Variants in PDS5B observed in about 807,000 individuals in gnomAD.
PDS5B encodes PDS5 cohesin associated factor B.
In PDS5B, 51 loss-of-function variants were observed where a neutral mutation model predicts 184.1. The ratio of observed to expected loss-of-function variants is 0.28; its 90% confidence interval spans 0.22 to 0.35. The LOEUF is 0.35. Among genes scored for constraint, PDS5B ranks in the 10% least tolerant of loss-of-function variants. PDS5B has a pLI of 1.00. For synonymous variants in PDS5B, 566 were observed against 569.2 expected (o/e 0.99, Z 0.08); for missense variants, 1,180 against 1,723.3 (o/e 0.68, Z 5.58).
chr13:32,607,568 C>T (rs2058078936), intron 1 of PDS5B, among the ~76,000 whole-genome samples: 2 of 152,204 alleles, frequency 1.3e-5, no homozygotes, highest in East Asian at 3.9e-4. Flanking sequence ...GCTGGGAGAA[C>T]CACTACTCTC....
chr13:32,716,705 G>A (rs1387319628), intron 19 of PDS5B, among the ~76,000 whole-genome samples: 1 of 131,560 alleles, frequency 7.6e-6, no homozygotes, highest in Admixed American at 7.1e-5. Flanking sequence ...GCCCCGTTTG[G>A]GAGGTGAGGG....
chr13:32,638,772 T>A (rs1360292175), intron 1 of PDS5B, among the ~76,000 whole-genome samples: 5 of 151,906 alleles, frequency 3.3e-5, no homozygotes, highest in Non-Finnish European at 7.4e-5. Context: ...GGTTAGTGTT[T>A]TGATGTGAGG....
At chr13:32,696,127 C>T (rs952616687) in intron 14 of PDS5B, among the ~76,000 whole-genome samples, 2 of 152,100 alleles carry the variant, frequency 1.3e-5, no homozygotes, top group East Asian at 1.9e-4. Flanking sequence ...TTCCTCTTAG[C>T]AAGCTCATTC....
At chr13:32,709,307 G>A (rs934639779) in intron 18 of PDS5B, among the ~76,000 whole-genome samples, 3 of 151,950 alleles carry the variant, frequency 2.0e-5, no homozygotes, top group African/African-American at 7.2e-5. Context: ...TTGAAAGTGT[G>A]TTGTGGGGGC....
rs546641613 is a variant in PDS5B, at chr13:32,777,351, C to CTTTTTTTTTT, written c.*2305_*2314dup. The CTTTTTTTTTT allele has an allele frequency of 9.3e-5, 12 of 129,560 alleles. No individual in the cohort carries two copies. Among genetic ancestry groups the CTTTTTTTTTT allele is most frequent in the African/African-American group, 1.1e-4 (4 of 35,246 alleles). The allele number at this position is 129,560 out of a possible 1,614,324, so 8.0% of individuals were successfully genotyped here. A position where few individuals can be genotyped will look rare whatever the true frequency, so the allele number is the denominator to read the frequency against. On this transcript the variant is annotated 3_prime_UTR_variant, in exon 35 of 35. Coordinates refer to ENST00000315596, the MANE Select transcript of PDS5B (RefSeq NM_015032.4). ...ATGTAAATTTTTCTTTTCTTTCTTT[C>CTTTTTTTTTT]TTTTTTTTTTTTTTTGTGTAGAAAA...
chr13:32,720,004 G>A (rs1334921243), intron 19 of PDS5B, among the ~76,000 whole-genome samples: 1 of 152,070 alleles, frequency 6.6e-6, no homozygotes, highest in Non-Finnish European at 1.5e-5. Flanking sequence ...TGCCATGTGG[G>A]CGGGGCTGGT....
At chr13:32,738,178 G>C (rs958797490) in intron 21 of PDS5B, among the ~76,000 whole-genome samples, 1 of 152,102 alleles carries the variant, frequency 6.6e-6, no homozygotes, top group Non-Finnish European at 1.5e-5. Context: ...TGCTATGAAT[G>C]TTTCTATTGA....
chr13:32,735,327 T>A lies in PDS5B; in HGVS notation c.2403T>A (p.Asp801Glu). 3 of 1,600,128 alleles carry A rather than the reference T, an allele frequency of 1.9e-6. No individual in the cohort carries two copies. Among genetic ancestry groups the A allele is most frequent in the Non-Finnish European group, 2.6e-6 (3 of 1,172,984 alleles). Residue 801 changes from aspartate (D) to glutamate (E), a missense_variant, in exon 21 of 35, where the codon GAT (aspartate) becomes GAA (glutamate). Transcript: ENST00000315596. Reference protein sequence around the residue: ...TFIVKDLLMNDRLPGKKTTKL... With the variant: ...TFIVKDLLMNERLPGKKTTKL... ...TTGTGAAAGATCTTCTCATGAATGA[T>A]CGGGTAATTTATATTTTTTAGATTC...
intron 33 of PDS5B, among the ~76,000 whole-genome samples, chr13:32,772,011 A>C (rs1954805297): frequency 6.6e-6 from 1 of 151,612 alleles, no homozygotes; most frequent in Non-Finnish European, 1.5e-5. Flanking sequence ...TCTTCCTTTC[A>C]CTGGGAAGCT....
intron 1 of PDS5B, among the ~76,000 whole-genome samples, chr13:32,607,406 G>C (rs533916309): frequency 5.3e-5 from 8 of 152,320 alleles, no homozygotes; most frequent in African/African-American, 1.9e-4. Context: ...GTTGCTGCCT[G>C]ATCCTTCCTC....
intron 31 of PDS5B, among the ~76,000 whole-genome samples, chr13:32,769,656 G>C (rs1417247167): frequency 6.6e-6 from 1 of 152,074 alleles, no homozygotes; most frequent in African/African-American, 2.4e-5. Context: ...ACCTCCATTT[G>C]TAAAATAATA....
chr13:32,709,558 C>G (rs189246288), intron 18 of PDS5B, among the ~76,000 whole-genome samples: 4 of 152,142 alleles, frequency 2.6e-5, no homozygotes, highest in Admixed American at 2.6e-4. Flanking sequence ...TTATTCTCCT[C>G]TTCTTCAGTC....
chr13:32,653,305 G>T (rs1179501099), intron 3 of PDS5B, among the ~76,000 whole-genome samples: 1 of 152,052 alleles, frequency 6.6e-6, no homozygotes, highest in Non-Finnish European at 1.5e-5. Context: ...ACAAAAAAAA[G>T]ATAATTGTGG....
intron 2 of PDS5B, among the ~76,000 whole-genome samples, chr13:32,650,811 A>G (rs1179709096): frequency 6.6e-6 from 1 of 152,208 alleles, no homozygotes; most frequent in African/African-American, 2.4e-5. Flanking sequence ...AAATCGAGCC[A>G]TTTGTTACTC....
At chr13:32,743,445 A>T (rs1693275422) in intron 23 of PDS5B, among the ~76,000 whole-genome samples, 1 of 152,168 alleles carries the variant, frequency 6.6e-6, no homozygotes, top group African/African-American at 2.4e-5. Context: ...AGCATTGATG[A>T]TAATGGTGGT....
At chr13:32,662,394 G>A (rs1270609119) in intron 6 of PDS5B, among the ~76,000 whole-genome samples, 1 of 151,926 alleles carries the variant, frequency 6.6e-6, no homozygotes, top group African/African-American at 2.4e-5. Context: ...GGTAAACTGA[G>A]TTTATAAAAA....
intron 19 of PDS5B, among the ~76,000 whole-genome samples, chr13:32,718,540 ATCATGTAAAACACCAGTAGCAT>A (rs1040778634): frequency 2.6e-5 from 4 of 152,232 alleles, no homozygotes; most frequent in African/African-American, 7.2e-5. Flanking sequence ...AATAGGCAGC[ATCATGTAAAACACCAGTAGCAT>A]TCCCAATAAA....
intron 1 of PDS5B, among the ~76,000 whole-genome samples, chr13:32,628,998 G>A (rs9595946): frequency 0.43 from 64,827 of 151,934 alleles, 14,110 homozygotes; most frequent in African/African-American, 0.47. Context: ...AATTTAATAG[G>A]TATTAACACA....
intron 23 of PDS5B, among the ~76,000 whole-genome samples, chr13:32,745,160 T>C (rs902285737): frequency 0.014 from 2 of 140 alleles, no homozygotes; most frequent in African/African-American, 0.053. Flanking sequence ...AGTTGAATTC[T>C]AGCTAAGGAA....
Sources: allele counts gnomAD v4.1 joint callset (sites outside exome capture counted in the v4.1 genomes callset), GRCh38; gene constraint gnomAD v4.1.1; transcripts MANE v1.5; gene names NCBI Gene and HGNC (gene_info 2026-07-23, HGNC 2026-07-21).